RASA3: variants seen among roughly 807,000 people sequenced by gnomAD.
The protein encoded by RASA3 is RAS p21 protein activator 3.
RASA3 carries 73 observed loss-of-function variants against 110.0 expected under a neutral mutation model. The ratio of observed to expected loss-of-function variants is 0.66; its 90% CI spans 0.55 to 0.81. The LOEUF is 0.81. Ranked by LOEUF, RASA3 falls within the 30% of genes least tolerant of loss-of-function variation. The pLI, the probability that RASA3 is intolerant of heterozygous loss-of-function variation, is 0.00. For missense variants in RASA3, 976 were observed against 1,113.2 expected (o/e 0.88, Z 1.75); for synonymous variants, 500 against 451.4 (o/e 1.11, Z -1.37).
chr13:113,996,472 A>G, intron 21 of RASA3, 59 bp downstream of exon 21: 1 of 1,516,368 alleles, frequency 6.6e-7, no homozygotes, highest in Non-Finnish European at 9.0e-7. Flanking sequence ...CTCCCTACTC[A>G]GCCCCTTGGC....
intron 1 of RASA3, among the ~76,000 whole-genome samples, chr13:114,097,151 G>A (rs1275620785): frequency 6.6e-6 from 1 of 152,246 alleles, no homozygotes; most frequent in African/African-American, 2.4e-5. Context: ...GTTCTCCGCA[G>A]ATATGGGCTG....
chr13:114,042,989 C>A (rs577266179), intron 3 of RASA3, among the ~76,000 whole-genome samples: 2 of 152,208 alleles, frequency 1.3e-5, no homozygotes, highest in Non-Finnish European at 2.9e-5. Flanking sequence ...CCCCACCCTG[C>A]GAGGTCCCAG....
At chr13:114,054,398 T>G (rs1330016670) in intron 2 of RASA3, among the ~76,000 whole-genome samples, 2 of 152,000 alleles carry the variant, frequency 1.3e-5, no homozygotes, top group Non-Finnish European at 2.9e-5. Flanking sequence ...GGCACAGGCA[T>G]AAGCCCAAAC....
At chr13:114,015,981 C>T (rs1034435299) in intron 13 of RASA3, among the ~76,000 whole-genome samples, 4 of 152,034 alleles carry the variant, frequency 2.6e-5, no homozygotes, top group Admixed American at 1.3e-4. Context: ...CCCCAGGGGA[C>T]GCAGAGCCCG....
chr13:114,041,268 G>C (rs542617646), intron 3 of RASA3, among the ~76,000 whole-genome samples, 174 bp from the exon 4 acceptor site: 7 of 152,382 alleles, frequency 4.6e-5, no homozygotes, highest in Non-Finnish European at 8.8e-5. Context: ...GGAGGCCCAG[G>C]GGGGAGGGTC....
At chr13:114,019,880 TGG>T (rs2053883759) in intron 9 of RASA3, among the ~76,000 whole-genome samples, 3 of 56,354 alleles carry the variant, frequency 5.3e-5, no homozygotes, top group African/African-American at 3.3e-4. Context: ...CTCAGGTGGG[TGG>T]AGCCTGTGTC....
chr13:114,054,545 G>A (rs1365358569), intron 2 of RASA3, among the ~76,000 whole-genome samples: 1 of 152,154 alleles, frequency 6.6e-6, no homozygotes, highest in Non-Finnish European at 1.5e-5. Context: ...CTTAATGACA[G>A]GCATTTCATT....
intron 7 of RASA3, among the ~76,000 whole-genome samples, chr13:114,024,904 C>T (rs576200889): frequency 1.3e-5 from 2 of 151,558 alleles, no homozygotes; most frequent in African/African-American, 4.9e-5. Context: ...ACCTCCGCAC[C>T]GTGGGTTCCT....
intron 23 of RASA3, among the ~76,000 whole-genome samples, chr13:113,980,070 CAT>C (rs1413370363): frequency 3.3e-5 from 4 of 119,782 alleles, no homozygotes; most frequent in Admixed American, 2.5e-4. Flanking sequence ...CACCTCCTCC[CAT>C]GTGTGTGCAC....
chr13:114,028,353 AAC>A (rs1338789902), intron 5 of RASA3, among the ~76,000 whole-genome samples: 1 of 151,380 alleles, frequency 6.6e-6, no homozygotes, highest in African/African-American at 2.4e-5. Context: ...GGACCCCTAA[AAC>A]AGTGTCATCC....
At chr13:113,991,493 A>C (rs2053112571) in intron 22 of RASA3, among the ~76,000 whole-genome samples, 1 of 152,216 alleles carries the variant, frequency 6.6e-6, no homozygotes, top group East Asian at 1.9e-4. Context: ...GAGTTCTACC[A>C]GACACTGGCA....
At chr13:114,041,970 C>T (rs1290271734) in intron 3 of RASA3, among the ~76,000 whole-genome samples, 1 of 152,224 alleles carries the variant, frequency 6.6e-6, no homozygotes, top group Non-Finnish European at 1.5e-5. Flanking sequence ...AGTCTGGGAA[C>T]GTCCACTCTA....
Position 114,088,696 on chromosome 13 carries a change from G to A in RASA3, c.56-14859C>T, listed in dbSNP as rs538070988. 9.2e-5 allele frequency among the ~76,000 whole-genome samples: 14 copies of A among 152,090 alleles called. No individual in the cohort carries two copies. The South Asian group carries it at 1.2e-3, about 14-fold the overall frequency. On this transcript the variant is annotated intron_variant, in intron 1 of 23. Transcript: ENST00000334062. ...CTCCTGAGAAGTTGGGATTACAAGC[G>A]TGCGCCACCATGCCCAGCTAATTTT...
At chr13:113,992,431 G>A in intron 22 of RASA3, 54 bp downstream of exon 22, 2 of 1,438,432 alleles carry the variant, frequency 1.4e-6, no homozygotes, top group Admixed American at 1.7e-5. Context: ...CCTGAGGCCG[G>A]GGCCTCGCCA....
At chr13:114,031,849 C>T (rs545469751) in intron 4 of RASA3, among the ~76,000 whole-genome samples, 65 of 152,232 alleles carry the variant, frequency 4.3e-4, no homozygotes, top group African/African-American at 1.5e-3. Flanking sequence ...GTGGGACAGA[C>T]GGGCAGAATG....
chr13:114,062,609 A>G (rs4883668), intron 2 of RASA3, among the ~76,000 whole-genome samples: 5,086 of 97,928 alleles, frequency 0.052, 173 homozygotes, highest in Admixed American at 0.19. Context: ...ACGCAGACTC[A>G]GACACGCGTG....
intron 4 of RASA3, among the ~76,000 whole-genome samples, chr13:114,036,600 C>T (rs989847943): frequency 4.6e-5 from 7 of 152,028 alleles, no homozygotes; most frequent in South Asian, 2.1e-4. Flanking sequence ...TGCAATGGCG[C>T]GATCTCAGCT....
At chr13:114,117,079 CGT>C (rs1354432883) in intron 1 of RASA3, among the ~76,000 whole-genome samples, 1 of 101,450 alleles carries the variant, frequency 9.9e-6, no homozygotes, top group Non-Finnish European at 1.9e-5. Flanking sequence ...TGGGGGTGCA[CGT>C]GTGTGAGGGA....
chr13:113,988,968 C>T (rs2053034251), intron 22 of RASA3, among the ~76,000 whole-genome samples: 1 of 144,808 alleles, frequency 6.9e-6, no homozygotes. Context: ...CCATCACTCA[C>T]CCTGTCCGTA....
Sources: gnomAD v4.1 joint callset for allele counts (sites outside exome capture counted in the v4.1 genomes callset) on GRCh38, gnomAD v4.1.1 for gene constraint, MANE v1.5 for transcripts, NCBI Gene and HGNC (gene_info 2026-07-23, HGNC 2026-07-21) for gene names.